Variants in PCDHA12 observed in about 807,000 individuals in gnomAD.
The protein encoded by PCDHA12 is protocadherin alpha-12.
PCDHA12 carries 44 observed loss-of-function variants against 60.0 expected under a neutral mutation model. That is an observed-to-expected ratio of 0.73 (90% confidence interval 0.58 to 0.94). The LOEUF (loss-of-function observed/expected upper bound fraction) is 0.94. Ranked by LOEUF, PCDHA12 falls within the 40% of genes least tolerant of loss-of-function variation. PCDHA12 has a pLI of 0.00. For missense variants in PCDHA12, 1,276 were observed against 1,239.7 expected (o/e 1.03, Z -0.44); for synonymous variants, 569 against 553.0 (o/e 1.03, Z -0.40).
At chr5:140,966,972 T>G (rs1554229007) in intron 1 of PCDHA12, 1 of 1,602,828 alleles carries the variant, frequency 6.2e-7, no homozygotes, top group African/African-American at 1.3e-5. Flanking sequence ...GGGCTTGAGC[T>G]GCGGCGCTTG....
intron 1 of PCDHA12, among the ~76,000 whole-genome samples, chr5:140,916,660 T>A (rs2077673786): frequency 6.6e-6 from 1 of 152,172 alleles, no homozygotes; most frequent in African/African-American, 2.4e-5. Flanking sequence ...GTATCCAAGA[T>A]GCAAGACAAA....
chr5:140,993,508 ACG>A (rs2097567607), intron 3 of PCDHA12, among the ~76,000 whole-genome samples: 1 of 147,006 alleles, frequency 6.8e-6, no homozygotes, highest in Non-Finnish European at 1.5e-5. Context: ...ACACACACAC[ACG>A]GGGAGAGAGA....
intron 1 of PCDHA12, among the ~76,000 whole-genome samples, chr5:140,953,252 T>C (rs557973424): frequency 3.3e-5 from 5 of 152,318 alleles, no homozygotes; most frequent in Admixed American, 1.3e-4. Context: ...TTCAGTTTAG[T>C]TCTTTTAGCT....
chr5:140,965,326 A>T (rs184855153), intron 1 of PCDHA12, among the ~76,000 whole-genome samples: 1 of 152,298 alleles, frequency 6.6e-6, no homozygotes, highest in African/African-American at 2.4e-5. Context: ...TACTGAAGTG[A>T]ATTTGTTGTC....
intron 1 of PCDHA12, among the ~76,000 whole-genome samples, chr5:140,885,674 C>A (rs1041500524): frequency 2.1e-4 from 32 of 152,192 alleles, no homozygotes; most frequent in African/African-American, 7.0e-4. Flanking sequence ...AGCACTCTTT[C>A]TATCTCAAGA....
chr5:140,967,691 A>G (rs1586235214), intron 1 of PCDHA12: 1 of 1,614,162 alleles, frequency 6.2e-7, no homozygotes, highest in East Asian at 2.2e-5. Flanking sequence ...GCAGCTCTTC[A>G]GCATAGATGC....
Position 140,930,862 on chromosome 5 carries a change from GGT to G in PCDHA12, c.2368-48086_2368-48085del, listed in dbSNP as rs1554208154. On this transcript the variant is annotated intron_variant, in intron 1 of 3. Coordinates refer to ENST00000398631, the MANE Select transcript of PCDHA12 (RefSeq NM_018903.4). Reference sequence around the variant, plus strand: ...AAATATGTGCATATATGAATTGGATGGTAACACTGTTCAACACAGAGGGAAAA... The same window carrying G: ...AAATATGTGCATATATGAATTGGATGAACACTGTTCAACACAGAGGGAAAA... 5.3e-3 allele frequency among the ~76,000 whole-genome samples: 803 copies of G among 152,226 alleles called. 3 individuals carry two copies. Among genetic ancestry groups the G allele is most frequent in the Non-Finnish European group, 8.4e-3 (568 of 67,990 alleles).
chr5:140,985,394 A>C (rs2097150028), intron 3 of PCDHA12, among the ~76,000 whole-genome samples: 1 of 152,084 alleles, frequency 6.6e-6, no homozygotes, highest in South Asian at 2.1e-4. Context: ...AGTCACCCCA[A>C]CTGTTCCCCT....
At chr5:140,902,403 T>G (rs1554190429) in intron 1 of PCDHA12, among the ~76,000 whole-genome samples, 1 of 152,102 alleles carries the variant, frequency 6.6e-6, no homozygotes, top group African/African-American at 2.4e-5. Flanking sequence ...TTGAATACTA[T>G]GTTGAATAAC....
intron 1 of PCDHA12, among the ~76,000 whole-genome samples, chr5:140,976,448 G>C (rs2096716831): frequency 6.6e-6 from 1 of 152,148 alleles, no homozygotes; most frequent in Non-Finnish European, 1.5e-5. Context: ...CTACTAGGGA[G>C]GCTGGGGAAG....
chr5:140,993,282 C>G lies in PCDHA12; in HGVS notation c.2515+10719C>G, dbSNP rs183298575. On this transcript the variant is annotated intron_variant, in intron 3 of 3. Transcript: ENST00000398631. Reference sequence around the variant, plus strand: ...ATTAGCTTCTTTGGTCTTTTCTTGCCCAGGGTCACAACCTTGCCTCCAGGA... The same window carrying G: ...ATTAGCTTCTTTGGTCTTTTCTTGCGCAGGGTCACAACCTTGCCTCCAGGA... Among the ~76,000 whole-genome samples, 618 of 151,922 alleles carry G rather than the reference C, an allele frequency of 4.1e-3. 6 individuals are homozygous for G. Among genetic ancestry groups the G allele is most frequent in the Non-Finnish European group, 5.9e-3 (399 of 67,976 alleles).
chr5:140,884,459 G>T (rs530412188), intron 1 of PCDHA12: 2 of 1,613,754 alleles, frequency 1.2e-6, no homozygotes, highest in South Asian at 2.2e-5. Flanking sequence ...CACCGAGGGC[G>T]CGTGCGCGCC....
chr5:140,929,614 A>G (rs1554207224), intron 1 of PCDHA12: 1 of 405,948 alleles, frequency 2.5e-6, no homozygotes, highest in African/African-American at 2.1e-5. Context: ...ATAAAATACC[A>G]AAATATTTTA....
At chr5:140,990,227 A>G (rs1424384055) in intron 3 of PCDHA12, among the ~76,000 whole-genome samples, 1 of 152,134 alleles carries the variant, frequency 6.6e-6, no homozygotes, top group Non-Finnish European at 1.5e-5. Flanking sequence ...GTTTATTGTA[A>G]CTAGCGTTGT....
At position 140,973,042 on chromosome 5, in the gene PCDHA12, T is replaced by C. The variant is rs78535788; in HGVS notation, c.2368-5907T>C. Among the ~76,000 whole-genome samples the C allele has an allele frequency of 5.1e-3, 779 of 152,252 alleles. 6 individuals carry two copies. Among genetic ancestry groups the C allele is most frequent in the African/African-American group, 0.018 (740 of 41,542 alleles). ...TGTTAATGAGTCACTTTGAGTACTCTAGTAGATTTGTCCAACAGTGTCTCA... is the reference window on the plus strand; with the variant it reads ...TGTTAATGAGTCACTTTGAGTACTCCAGTAGATTTGTCCAACAGTGTCTCA... On this transcript the variant is annotated intron_variant, in intron 1 of 3. Transcript: ENST00000398631.
chr5:140,909,164 A>T (rs2074347084), intron 1 of PCDHA12, among the ~76,000 whole-genome samples: 1 of 152,238 alleles, frequency 6.6e-6, no homozygotes, highest in South Asian at 2.1e-4. Context: ...AGGGAAAATC[A>T]ATCAAGTTCT....
intron 1 of PCDHA12, chr5:140,882,849 T>A: frequency 1.2e-6 from 2 of 1,614,242 alleles, no homozygotes; most frequent in Non-Finnish European, 1.7e-6. Flanking sequence ...TCATTATCAC[T>A]TGTACTGAGG....
intron 1 of PCDHA12, among the ~76,000 whole-genome samples, chr5:140,900,334 G>A (rs552378783): frequency 4.2e-4 from 64 of 152,060 alleles, no homozygotes; most frequent in East Asian, 1.6e-3. Context: ...CTGGAGTACC[G>A]TGGCGCAATC....
chr5:140,989,949 G>A (rs551733184), intron 3 of PCDHA12, among the ~76,000 whole-genome samples: 3 of 152,064 alleles, frequency 2.0e-5, no homozygotes, highest in South Asian at 2.1e-4. Context: ...CGTTTTTCTC[G>A]GTGAGACCAA....
Sources: gnomAD v4.1 joint callset for allele counts (sites outside exome capture counted in the v4.1 genomes callset) on GRCh38, gnomAD v4.1.1 for gene constraint, MANE v1.5 for transcripts, NCBI Gene and HGNC (gene_info 2026-07-23, HGNC 2026-07-21) for gene names.